Variants in BOK observed in about 807,000 individuals in gnomAD.
The protein encoded by BOK is BCL2 family apoptosis regulator BOK, also known as bcl-2-related ovarian killer protein.
BOK carries 20 observed loss-of-function variants against 18.3 expected under a neutral mutation model. That is an observed-to-expected ratio of 1.09 (90% CI 0.77 to 1.59). BOK has a LOEUF of 1.59. BOK is among the 40% of genes most tolerant of loss of function. The probability of loss-of-function intolerance (pLI) is 0.00; values close to 1 mark genes in which losing one functional copy is unlikely to be tolerated. For synonymous variants in BOK, 173 were observed against 142.4 expected, an observed-to-expected ratio of 1.21 and a Z score of -1.53; for missense variants, 348 against 307.9, an observed-to-expected ratio of 1.13 and a Z score of -0.97.
chr2:241,563,853 AC>A (rs1213398894), intron 3 of BOK, among the ~76,000 whole-genome samples: 1 of 152,128 alleles, frequency 6.6e-6, no homozygotes, highest in Non-Finnish European at 1.5e-5. Flanking sequence ...CGGGACCTCC[AC>A]CCACCGGAGG....
upstream of BOK, among the ~76,000 whole-genome samples, chr2:241,554,499 A>T (rs2066436860): frequency 6.6e-6 from 1 of 152,114 alleles, no homozygotes; most frequent in African/African-American, 2.4e-5. Flanking sequence ...ACCCGCTTCC[A>T]CACCATCCAG....
rs1375561191 is a variant in BOK at position 241,558,752 on chromosome 2, C to G, written c.-271C>G. Reference sequence around the variant, plus strand: ...CCAAGCCCCAAGCCCAGCCTCTCGCCAGCTGGGAGTCGCGCGCTGCCCACC... The same window carrying G: ...CCAAGCCCCAAGCCCAGCCTCTCGCGAGCTGGGAGTCGCGCGCTGCCCACC... On this transcript the variant is annotated 5_prime_UTR_variant, in exon 1 of 5. Coordinates refer to ENST00000318407, the MANE Select transcript of BOK (RefSeq NM_032515.5). 6.6e-6 allele frequency: 1 copy of G among 152,302 alleles called. No individual in the cohort carries two copies. The highest frequency in any genetic ancestry group is 2.4e-5 in the African/African-American group (1 of 41,472). The allele number at this position is 152,302 out of a possible 1,614,324, so 9.4% of individuals were successfully genotyped here.
At chr2:241,554,177 G>A (rs561545087), upstream of BOK, among the ~76,000 whole-genome samples, 31 of 152,292 alleles carry the variant, frequency 2.0e-4, no homozygotes, top group South Asian at 2.1e-3. Flanking sequence ...GGATGCTCCC[G>A]TTCTGTGCCG....
chr2:241,571,851 A>G (rs539139786), intron 4 of BOK, among the ~76,000 whole-genome samples: 3 of 152,368 alleles, frequency 2.0e-5, no homozygotes, highest in East Asian at 3.9e-4. Context: ...CAGAGTCTGA[A>G]TGAAGCTGGG....
intron 3 of BOK, among the ~76,000 whole-genome samples, chr2:241,569,207 T>C (rs564328348): frequency 6.6e-6 from 1 of 152,354 alleles, no homozygotes; most frequent in South Asian, 2.1e-4. Flanking sequence ...CTCAGCTCAC[T>C]GCAACCTCCG....
upstream of BOK, among the ~76,000 whole-genome samples, chr2:241,555,796 A>T (rs776055827): frequency 6.6e-6 from 1 of 152,194 alleles, no homozygotes; most frequent in Non-Finnish European, 1.5e-5. Context: ...AATTATGCCC[A>T]GTGGCCCACT....
At chr2:241,558,640 A>T (rs1221820595), upstream of BOK, 1 of 152,418 alleles carries the variant, frequency 6.6e-6, no homozygotes, top group East Asian at 1.9e-4. Context: ...GGGCGCATCC[A>T]GGGAACTCGC....
chr2:241,555,938 G>A (rs2125041893), upstream of BOK, among the ~76,000 whole-genome samples: 1 of 152,336 alleles, frequency 6.6e-6, no homozygotes, highest in South Asian at 2.1e-4. Flanking sequence ...CAGCGGGAAG[G>A]TTGCAGGTGT....
chr2:241,564,724 A>C (rs2066583833), intron 3 of BOK, among the ~76,000 whole-genome samples: 3 of 152,042 alleles, frequency 2.0e-5, no homozygotes, highest in African/African-American at 7.3e-5. Context: ...CCAGGGGTGG[A>C]AGGCATCCTG....
rs750227285 is a variant in BOK at position 241,562,441 on chromosome 2, C to A, written c.314C>A (p.Ala105Glu). Residue 105 changes from alanine to glutamate, a missense_variant, in exon 3 of 5, where the codon GCG becomes GAG. Transcript: ENST00000318407. The surrounding 1 kb of genome is among the most constrained non-coding windows in gnomAD (Gnocchi z 4.5). ...CAGTCTGAGCCTGTGGTGACCGATG[C>A]GTTCCTGGCCGTGGCTGGCCACATC... ...SLQSEPVVTD[A>E]FLAVAGHIFS... is the part of the protein sequence containing the mutation. The A allele has an allele frequency of 6.2e-6, 10 of 1,611,826 alleles. No homozygotes were observed. Among genetic ancestry groups the A allele is most frequent in the Non-Finnish European group, 7.6e-6 (9 of 1,179,794 alleles).
upstream of BOK, among the ~76,000 whole-genome samples, chr2:241,557,859 G>T (rs56211918): frequency 0.5 from 76,597 of 151,868 alleles, 19,585 homozygotes; most frequent in Admixed American, 0.6. Context: ...ATTTCAATCC[G>T]TTGAGATTTG....
intron 4 of BOK, among the ~76,000 whole-genome samples, chr2:241,571,347 C>T (rs564991838): frequency 6.8e-6 from 1 of 147,864 alleles, no homozygotes; most frequent in South Asian, 2.1e-4. Flanking sequence ...TGGAGGGTGG[C>T]TCCCCTGCCG....
chr2:241,571,483 G>T (rs538235165), intron 4 of BOK, among the ~76,000 whole-genome samples: 1 of 152,206 alleles, frequency 6.6e-6, no homozygotes, highest in Non-Finnish European at 1.5e-5. Context: ...TTGAGGTCAC[G>T]TGGTCTGCGG....
chr2:241,555,547 T>C (rs986053627), upstream of BOK, among the ~76,000 whole-genome samples: 1 of 151,840 alleles, frequency 6.6e-6, no homozygotes, highest in Non-Finnish European at 1.5e-5. Context: ...GGCTAATTTT[T>C]TGTATTTTTA....
At chr2:241,555,403 T>C (rs1394419079), upstream of BOK, among the ~76,000 whole-genome samples, 2 of 147,374 alleles carry the variant, frequency 1.4e-5, no homozygotes, top group East Asian at 4.0e-4. Flanking sequence ...TGAGACAAAG[T>C]CTCGTTCTGT....
At chr2:241,552,385 C>T (rs75118106) in intron 1 of BOK, among the ~76,000 whole-genome samples, 579 of 152,334 alleles carry the variant, frequency 3.8e-3, no homozygotes, top group Non-Finnish European at 6.3e-3. Context: ...TTCGGCCCCA[C>T]CCAGTCCCTC....
chr2:241,559,647 G>T lies in BOK; in HGVS notation c.164G>T (p.Arg55Leu). ...GGCCTCTCCTGGAGCGCGCCCGAGC[G>T]TGCCGCGCCGGTCCCGGGACGCCTG... is the stretch of plus-strand genomic sequence containing the variant. ...RAGLSWSAPERAAPVPGRLAE... is the reference protein window; with the variant it reads ...RAGLSWSAPELAAPVPGRLAE... Residue 55 changes from arginine (R) to leucine (L), a missense_variant, in exon 2 of 5, where the codon CGT becomes CTT. Arg to Leu is a moderately radical substitution (Grantham distance 102). Transcript: ENST00000318407. 1 of 1,395,674 alleles carries T rather than the reference G, an allele frequency of 7.2e-7. No homozygotes were observed. Among genetic ancestry groups the T allele is most frequent in the South Asian group, 1.6e-5 (1 of 62,510 alleles). The allele number at this position is 1,395,674 out of a possible 1,614,324, so 86.5% of individuals were successfully genotyped here.
chr2:241,562,249 T>TGGTCAGGTGGG lies in BOK; in HGVS notation c.221-89_221-79dup, dbSNP rs1297126963. 7.0e-7 allele frequency: 1 copy of TGGTCAGGTGGG among 1,423,250 alleles called. No individual in the cohort carries two copies. The highest frequency in any genetic ancestry group is 9.4e-7 in the Non-Finnish European group (1 of 1,065,026). 88.2% of individuals were successfully genotyped at this position (1,423,250 alleles called of 1,614,324 possible). On this transcript the variant is annotated intron_variant, in intron 2 of 4. Transcript: ENST00000318407. The surrounding 1 kb of genome is among the most constrained non-coding windows in gnomAD (Gnocchi z 4.5). ...TGAGGAACAGGCTGGAATTCAAGCATGGTCAGGTGGGGGTCAGGTGCAGGG... is the reference window on the plus strand; with the variant it reads ...TGAGGAACAGGCTGGAATTCAAGCATGGTCAGGTGGGGGTCAGGTGGGGGTCAGGTGCAGGG...
chr2:241,553,479 G>A (rs76562852), intron 1 of BOK, among the ~76,000 whole-genome samples: 8,002 of 152,264 alleles, frequency 0.053, 481 homozygotes, highest in African/African-American at 0.14. Context: ...AAAGAAAAGA[G>A]ATTTAATTGG....
Sources: allele counts gnomAD v4.1 joint callset (sites outside exome capture counted in the v4.1 genomes callset), GRCh38; gene constraint gnomAD v4.1.1; non-coding constraint Gnocchi (gnomAD v3.1); transcripts MANE v1.5; gene names NCBI Gene and HGNC (gene_info 2026-07-23, HGNC 2026-07-21).